NPR2: variants seen among roughly 807,000 people sequenced by gnomAD.
NPR2 encodes natriuretic peptide receptor 2.
NPR2 carries 49 observed loss-of-function variants against 120.7 expected under a neutral mutation model. That is an observed-to-expected ratio of 0.41 (90% CI 0.32 to 0.52). NPR2 has a LOEUF of 0.52. Among genes scored for constraint, NPR2 ranks in the 20% least tolerant of loss-of-function variants. The pLI is 0.36. For missense variants in NPR2, 931 were observed against 1,362.9 expected (o/e 0.68, Z 4.99); for synonymous variants, 484 against 519.8 (o/e 0.93, Z 0.94).
At position 35,805,812 on chromosome 9, in the gene NPR2, C is replaced by A. The variant is rs1828350889; in HGVS notation, c.2048-18C>A. 2 of 1,613,746 alleles carry A rather than the reference C, an allele frequency of 1.2e-6. No homozygotes were observed. The highest frequency in any genetic ancestry group is 1.7e-5 in the Admixed American group (1 of 60,038). On this transcript the variant is annotated intron_variant, in intron 13 of 21. Transcript: ENST00000342694. The surrounding 1 kb of genome is among the most constrained non-coding windows in gnomAD (Gnocchi z 4.9). The stretch of plus-strand genomic sequence containing the variant: ...GCCCCATTTCGGGGGACCTGGCCAG[C>A]CGGTTTCCTCTTTTCAGAGAAGCTG...
chr9:35,793,900 G>A lies in NPR2; in HGVS notation c.670G>A (p.Val224Met), dbSNP rs1464254926. ...CTCTGTCATGTACCTGCTCCCAGTT[G>A]TGTATATCTGCGGCCCTCTGGAGAT... Reference protein sequence around the residue: ...THFIRANGRIVYICGPLEMLH... With the variant: ...THFIRANGRIMYICGPLEMLH... The change falls in exon 2 of 22, where the codon GTG becomes ATG. Residue 224 changes from valine to methionine, a missense_variant and splice_region_variant. By Grantham distance (21) the Val-to-Met change is conservative (BLOSUM62 1). This residue lies in a region of NPR2 where 681 missense variants were observed against 974.3 expected (regional missense o/e 0.70). Coordinates refer to ENST00000342694, the MANE Select transcript of NPR2 (RefSeq NM_003995.4). 6.2e-7 allele frequency: 1 copy of A among 1,614,204 alleles called. No individual in the cohort carries two copies. Among genetic ancestry groups the A allele is most frequent in the Admixed American group, 1.7e-5 (1 of 60,032 alleles).
In NPR2 at chr9:35,792,615, C is replaced by T. The variant is rs1174841168; in HGVS notation, c.207C>T (p.Ser69=). The T allele has an allele frequency of 7.4e-6, 12 of 1,613,872 alleles. No individual in the cohort carries two copies. The highest frequency in any genetic ancestry group is 1.7e-5 in the Admixed American group (1 of 60,032). The change falls in exon 1 of 22, where the codon TCC becomes TCT. Residue 69 remains serine (S), a synonymous_variant. Coordinates refer to ENST00000342694, the MANE Select transcript of NPR2 (RefSeq NM_003995.4). The part of the protein sequence containing the change: ...ALPVDLRFVS[S]ELEGACSEYL... The stretch of plus-strand genomic sequence containing the variant: ...CCGTGGACCTGCGGTTTGTCAGCTC[C>T]GAACTGGAAGGCGCCTGCTCTGAGT...
intron 7 of NPR2, 69 bp downstream of exon 7, chr9:35,801,223 G>A (rs923695389): frequency 5.0e-6 from 6 of 1,204,440 alleles, no homozygotes; most frequent in South Asian, 1.2e-5. Flanking sequence ...CTGAAGCCAG[G>A]TGGTCCCTAT....
At chr9:35,807,605 CT>C (rs1828473524) in intron 18 of NPR2, among the ~76,000 whole-genome samples, 1 of 152,152 alleles carries the variant, frequency 6.6e-6, no homozygotes, top group African/African-American at 2.4e-5. Flanking sequence ...CTTGTGAATC[CT>C]TTGACTTCCC....
chr9:35,793,118 C>A, intron 1 of NPR2, 43 bp downstream of exon 1: 1 of 1,535,092 alleles, frequency 6.5e-7, no homozygotes, highest in South Asian at 1.2e-5. Flanking sequence ...GGAGGAGGGT[C>A]GCTGTGTCCC....
At chr9:35,793,776 T>A in intron 1 of NPR2, 122 bp from the exon 2 acceptor site, 3 of 968,146 alleles carry the variant, frequency 3.1e-6, no homozygotes, top group Non-Finnish European at 4.9e-6. Context: ...TGCTTTGGGG[T>A]TGATAGGTTA....
chr9:35,805,770 C>T lies in NPR2; in HGVS notation c.2048-60C>T. On this transcript the variant is annotated intron_variant, in intron 13 of 21. Transcript: ENST00000342694. The surrounding 1 kb of genome is among the most constrained non-coding windows in gnomAD (Gnocchi z 4.9). ...AGTGACAGTAATATAGGGATGAGCCCAGGTGGGCTTGGGGGTGCCCCATTT... is the reference window on the plus strand; with the variant it reads ...AGTGACAGTAATATAGGGATGAGCCTAGGTGGGCTTGGGGGTGCCCCATTT... 6.2e-7 allele frequency: 1 copy of T among 1,608,408 alleles called. No individual in the cohort carries two copies. Among genetic ancestry groups the T allele is most frequent in the Admixed American group, 1.7e-5 (1 of 60,024 alleles).
At position 35,809,602 on chromosome 9, in the gene NPR2, C is replaced by A; in HGVS notation, c.*157C>A. On this transcript the variant is annotated 3_prime_UTR_variant, in exon 22 of 22. Coordinates refer to ENST00000342694, the MANE Select transcript of NPR2 (RefSeq NM_003995.4). The surrounding 1 kb of genome is among the most constrained non-coding windows in gnomAD (Gnocchi z 4.1). ...ATATGGAAGTTGTAGCCCTCTGCAG[C>A]TCAGCCCTGTACATATACCTGTCCC... 1 of 1,269,852 alleles carries A rather than the reference C, an allele frequency of 7.9e-7. No individual in the cohort carries two copies. The highest frequency in any genetic ancestry group is 1.1e-6 in the Non-Finnish European group (1 of 872,472). 78.7% of individuals were successfully genotyped at this position (1,269,852 alleles called of 1,614,324 possible).
chr9:35,804,226 A>G (rs1828279216), intron 12 of NPR2, among the ~76,000 whole-genome samples: 1 of 119,708 alleles, frequency 8.4e-6, no homozygotes. Flanking sequence ...GGGGAGCATC[A>G]TTAAGACTTT....
intron 2 of NPR2, among the ~76,000 whole-genome samples, chr9:35,799,008 G>A (rs1828034183): frequency 1.3e-5 from 2 of 152,224 alleles, no homozygotes; most frequent in South Asian, 4.1e-4. Context: ...AAATGGATGA[G>A]CACACAGCTT....
rs770202059 is a variant in NPR2 at position 35,792,941 on chromosome 9, G to C, written c.533G>C (p.Arg178Pro). The C allele has an allele frequency of 6.2e-7, 1 of 1,613,868 alleles. No homozygotes were observed. Among genetic ancestry groups the C allele is most frequent in the African/African-American group, 1.3e-5 (1 of 74,894 alleles). ...TACCTGGATGCTCGCACAGATGACC[G>C]GCCTCACTACTTCACCATCGAGGGC... ...LLYLDARTDD[R>P]PHYFTIEGVF... is the part of the protein sequence containing the mutation. The change falls in exon 1 of 22, where the codon CGG becomes CCG. Residue 178 changes from arginine to proline, a missense_variant. This residue lies in a region of NPR2 where 681 missense variants were observed against 974.3 expected (regional missense o/e 0.70). Transcript: ENST00000342694.
In NPR2 at chr9:35,802,755, C is replaced by G. The variant is rs951956774; in HGVS notation, c.1839C>G (p.Ile613Met). The change falls in exon 12 of 22, where the codon ATC becomes ATG. Residue 613 changes from isoleucine to methionine, a missense_variant. By Grantham distance (10) the Ile-to-Met change is conservative. Coordinates refer to ENST00000342694, the MANE Select transcript of NPR2 (RefSeq NM_003995.4). This position sits in a 1 kb window ranked among gnomAD's most constrained non-coding sequence, Gnocchi z 4.2. ...AGGATATTCTAGAAAATGACAGCAT[C>G]AACTTGGACTGGATGTTTCGTTATT... Reference protein sequence around the residue: ...SLQDILENDSINLDWMFRYSL... With the variant: ...SLQDILENDSMNLDWMFRYSL... 2.5e-6 allele frequency: 4 copies of G among 1,612,844 alleles called. No homozygotes were observed. The African/African-American group carries it at 5.3e-5, about 22-fold the overall frequency.
intron 3 of NPR2, 141 bp from the exon 4 acceptor site, chr9:35,799,881 T>A: frequency 7.1e-7 from 1 of 1,416,914 alleles, no homozygotes; most frequent in Non-Finnish European, 1.0e-6. Context: ...CCCTATGGAG[T>A]AGTTAGGAAG....
chr9:35,797,529 C>T (rs888400977), intron 2 of NPR2, among the ~76,000 whole-genome samples: 1 of 152,158 alleles, frequency 6.6e-6, no homozygotes, highest in African/African-American at 2.4e-5. Context: ...TCTCAGTGGG[C>T]GGGTCCACAG....
intron 8 of NPR2, 39 bp downstream of exon 8, chr9:35,801,802 AG>A: frequency 6.2e-7 from 1 of 1,613,940 alleles, no homozygotes; most frequent in Middle Eastern, 1.6e-4. Context: ...CCTCCCTCTG[AG>A]TTCCTGTCCC....
chr9:35,797,062 T>G (rs1827967706), intron 2 of NPR2, among the ~76,000 whole-genome samples: 1 of 152,162 alleles, frequency 6.6e-6, no homozygotes, highest in African/African-American at 2.4e-5. Flanking sequence ...TTGATATGAT[T>G]TTTCTCTCCC....
At chr9:35,793,486 A>G (rs971260080) in intron 1 of NPR2, among the ~76,000 whole-genome samples, 3 of 152,184 alleles carry the variant, frequency 2.0e-5, no homozygotes, top group African/African-American at 4.8e-5. Context: ...TGAGGGCTCC[A>G]TGAACGGACT....
chr9:35,797,505 T>C (rs1344145780), intron 2 of NPR2, among the ~76,000 whole-genome samples: 1 of 152,112 alleles, frequency 6.6e-6, no homozygotes. Context: ...CACTCTCCAG[T>C]TGGCCAGGGC....
intron 2 of NPR2, among the ~76,000 whole-genome samples, chr9:35,798,452 C>A (rs1828013225): frequency 6.6e-6 from 1 of 152,094 alleles, no homozygotes; most frequent in African/African-American, 2.4e-5. Flanking sequence ...AAGCTGCAGT[C>A]TAATATAATA....
Sources: allele counts gnomAD v4.1 joint callset (sites outside exome capture counted in the v4.1 genomes callset), GRCh38; gene constraint gnomAD v4.1.1; regional missense constraint gnomAD v4.1.1; non-coding constraint Gnocchi (gnomAD v3.1); transcripts MANE v1.5; gene names NCBI Gene and HGNC (gene_info 2026-07-23, HGNC 2026-07-21).